Variants in MAP3K13 observed in about 807,000 individuals in gnomAD.
MAP3K13 encodes leucine zipper-bearing kinase.
In MAP3K13, 52 loss-of-function variants were observed where a neutral mutation model predicts 104.0. The observed-to-expected ratio is 0.50, with a 90% CI of 0.40 to 0.63. The LOEUF is 0.63. MAP3K13 is among the 20% of genes least tolerant of loss of function. The pLI, the probability that MAP3K13 is intolerant of heterozygous loss-of-function variation, is 0.00. For missense variants in MAP3K13, 914 were observed against 1,218.5 expected (o/e 0.75, Z 3.72); for synonymous variants, 394 against 442.2 (o/e 0.89, Z 1.37).
chr3:185,392,976 C>T (rs1426705270), intron 1 of MAP3K13, among the ~76,000 whole-genome samples: 5 of 151,946 alleles, frequency 3.3e-5, no homozygotes, highest in Non-Finnish European at 7.4e-5. Context: ...CACTTGAACT[C>T]AGTAGATGGA....
At chr3:185,328,569 A>G (rs1359825667) in intron 2 of MAP3K13, 3 of 152,208 alleles carry the variant, frequency 2.0e-5, no homozygotes, top group Admixed American at 2.0e-4. Context: ...TTATGAGAGG[A>G]AAGCAAGATA....
At chr3:185,313,902 A>G (rs926352290) in intron 2 of MAP3K13, among the ~76,000 whole-genome samples, 3 of 152,182 alleles carry the variant, frequency 2.0e-5, no homozygotes, top group Non-Finnish European at 4.4e-5. Flanking sequence ...GTTAATCCCT[A>G]TCTGATGGGG....
chr3:185,289,128 C>G (rs7631248), intron 2 of MAP3K13, among the ~76,000 whole-genome samples: 128 of 152,200 alleles, frequency 8.4e-4, no homozygotes, highest in African/African-American at 2.9e-3. Context: ...TGCTTGTTCT[C>G]TGTTATTTGA....
In MAP3K13 at chr3:185,437,537, C is replaced by T. The variant is rs746379057; in HGVS notation, c.566C>T (p.Ala189Val). 2.5e-6 allele frequency: 4 copies of T among 1,613,514 alleles called. No individual in the cohort carries two copies. The highest frequency in any genetic ancestry group is 1.3e-5 in the African/African-American group (1 of 74,804). Residue 189 changes from alanine (A) to valine (V), a missense_variant, in exon 3 of 14, where the codon GCG (alanine) becomes GTG (valine). Ala to Val is a moderately conservative substitution (Grantham distance 64). Coordinates refer to ENST00000265026, the MANE Select transcript of MAP3K13 (RefSeq NM_004721.5). ...GCGGTCTTCTTGGGCAAGTTCCGGGCGGAAGAGGTGGCCATCAAGAAAGTG... is the reference window on the plus strand; with the variant it reads ...GCGGTCTTCTTGGGCAAGTTCCGGGTGGAAGAGGTGGCCATCAAGAAAGTG... ...QGAVFLGKFR[A>V]EEVAIKKVRE...
chr3:185,353,074 C>T (rs1397517256), intron 2 of MAP3K13, among the ~76,000 whole-genome samples: 4 of 152,182 alleles, frequency 2.6e-5, no homozygotes, highest in East Asian at 1.9e-4. Context: ...CTGGACATAA[C>T]GTATAATTAC....
chr3:185,443,425 T>C lies in MAP3K13; in HGVS notation c.660-20T>C. 1.9e-6 allele frequency: 3 copies of C among 1,578,886 alleles called. No individual in the cohort carries two copies. The highest frequency in any genetic ancestry group is 1.3e-5 in the African/African-American group (1 of 74,294). ...ACTTGTATGTGTGTATTGATGTACA[T>C]GTTTATGTTTTCTTGGAAGGGGTGT... On this transcript the variant is annotated intron_variant, in intron 3 of 13. Transcript: ENST00000265026.
In MAP3K13 at chr3:185,450,260, ATAGAGT is replaced by A. The variant is rs1715809131; in HGVS notation, c.1169+205_1169+210del. ...TGTAAAATAGAGACAACACTGACTC[ATAGAGT>A]TATTGTGTTGTAATTAATTAAAATT... is the stretch of plus-strand genomic sequence containing the variant. On this transcript the variant is annotated intron_variant, in intron 6 of 13. Coordinates refer to ENST00000265026, the MANE Select transcript of MAP3K13 (RefSeq NM_004721.5). The surrounding 1 kb of genome is among the most constrained non-coding windows in gnomAD (Gnocchi z 4.2). 6.6e-6 allele frequency among the ~76,000 whole-genome samples: 1 copy of A among 152,324 alleles called. No homozygotes were observed. Among genetic ancestry groups the A allele is most frequent in the East Asian group, 1.9e-4 (1 of 5,196 alleles).
intron 2 of MAP3K13, among the ~76,000 whole-genome samples, chr3:185,336,265 G>A (rs1722495591): frequency 6.6e-6 from 1 of 152,086 alleles, no homozygotes; most frequent in African/African-American, 2.4e-5. Flanking sequence ...AAATTGGCTG[G>A]GTGTGGTGGC....
chr3:185,344,239 T>C (rs1203044113), intron 2 of MAP3K13, among the ~76,000 whole-genome samples: 1 of 152,148 alleles, frequency 6.6e-6, no homozygotes, highest in African/African-American at 2.4e-5. Flanking sequence ...TCCTGGTATA[T>C]AGTGTTTTTT....
chr3:185,386,696 T>C (rs1212778972), intron 1 of MAP3K13, among the ~76,000 whole-genome samples: 3 of 152,154 alleles, frequency 2.0e-5, no homozygotes, highest in Non-Finnish European at 4.4e-5. Context: ...GTGGTACATA[T>C]ACACCGTGGA....
At chr3:185,290,125 G>C (rs1018178637) in intron 2 of MAP3K13, among the ~76,000 whole-genome samples, 1 of 151,138 alleles carries the variant, frequency 6.6e-6, no homozygotes, top group South Asian at 2.1e-4. Context: ...CTTGAATAAC[G>C]TTTTTTTTGG....
In MAP3K13 at chr3:185,456,125, T is replaced by G. The variant is rs77568876; in HGVS notation, c.1278+4730T>G. Among the ~76,000 whole-genome samples the G allele has an allele frequency of 3.2e-4, 49 of 151,668 alleles. No homozygotes were observed. In the East Asian group the frequency reaches 8.9e-3, roughly 28 times the overall value. ...CCTGTCACACAGATATTGAGGAATA[T>G]CTTAGTAAAGGCATAGGTTTTTGTT... On this transcript the variant is annotated intron_variant, in intron 7 of 13. Coordinates refer to ENST00000265026, the MANE Select transcript of MAP3K13 (RefSeq NM_004721.5).
At position 185,437,633 on chromosome 3, in the gene MAP3K13, A is replaced by T; in HGVS notation, c.659+3A>T. On this transcript the variant is annotated splice_donor_region_variant and intron_variant, in intron 3 of 13. Coordinates refer to ENST00000265026, the MANE Select transcript of MAP3K13 (RefSeq NM_004721.5). ...CACCCTAACATCATCGCATTCAAGT[A>T]GGTCAAGGCTTTTTTTTTTTAAGAA... The T allele has an allele frequency of 6.7e-7, 1 of 1,482,318 alleles. No individual in the cohort carries two copies. Among genetic ancestry groups the T allele is most frequent in the Non-Finnish European group, 8.9e-7 (1 of 1,122,808 alleles). The allele number at this position is 1,482,318 out of a possible 1,614,324, so 91.8% of individuals were successfully genotyped here.
intron 2 of MAP3K13, among the ~76,000 whole-genome samples, chr3:185,436,893 T>C (rs2148888602): frequency 6.8e-6 from 1 of 147,514 alleles, no homozygotes; most frequent in Middle Eastern, 3.7e-3. Context: ...CCCAGCTACT[T>C]GGGAGGCTGA....
At position 185,345,718 on chromosome 3, in the gene MAP3K13, C is replaced by CA. The variant is rs1268106669; in HGVS notation, c.-86+60076dup. On this transcript the variant is annotated intron_variant, in intron 2 of 14. Transcript: ENST00000424227. ...TGCAGGAAAAAAAGCACAGGGCTCC[C>CA]ACTGATTCTACATTACTGTGAGTTG... Among the ~76,000 whole-genome samples, 102 of 152,288 alleles carry CA rather than the reference C, an allele frequency of 6.7e-4. No individual in the cohort carries two copies. In the Middle Eastern group the frequency reaches 0.01, roughly 15 times the overall value.
At chr3:185,436,016 G>A (rs895890401) in intron 2 of MAP3K13, among the ~76,000 whole-genome samples, 1 of 152,120 alleles carries the variant, frequency 6.6e-6, no homozygotes, top group Non-Finnish European at 1.5e-5. Flanking sequence ...CACTCCGTGG[G>A]GCTCTTAGCT....
At chr3:185,339,316 C>T (rs1722632959) in intron 2 of MAP3K13, among the ~76,000 whole-genome samples, 1 of 151,986 alleles carries the variant, frequency 6.6e-6, no homozygotes, top group Admixed American at 6.6e-5. Flanking sequence ...GAGACTCTGT[C>T]TCAAAAAACT....
intron 2 of MAP3K13, among the ~76,000 whole-genome samples, chr3:185,338,812 A>G (rs4687247): frequency 0.76 from 115,964 of 151,952 alleles, 44,972 homozygotes; most frequent in Middle Eastern, 0.84. Context: ...ATAAGTTAAA[A>G]CTCTTAGAAC....
intron 2 of MAP3K13, among the ~76,000 whole-genome samples, chr3:185,434,966 G>A (rs1037429868): frequency 3.9e-5 from 6 of 151,940 alleles, no homozygotes; most frequent in African/African-American, 1.5e-4. Flanking sequence ...AAATGACACT[G>A]AGGTTTTTTT....
Sources: allele counts gnomAD v4.1 joint callset (sites outside exome capture counted in the v4.1 genomes callset), GRCh38; gene constraint gnomAD v4.1.1; non-coding constraint Gnocchi (gnomAD v3.1); transcripts MANE v1.5; gene names NCBI Gene and HGNC (gene_info 2026-07-23, HGNC 2026-07-21).